The following VAV2 variants were observed in gnomAD, a reference collection of about 807,000 sequenced individuals.
VAV2 encodes the protein guanine nucleotide exchange factor VAV2.
VAV2 carries 67 observed loss-of-function variants against 132.5 expected under a neutral mutation model. The ratio of observed to expected loss-of-function variants is 0.51; its 90% CI spans 0.42 to 0.62. The LOEUF is 0.62. Ranked by LOEUF, VAV2 falls within the 20% of genes least tolerant of loss-of-function variation. The pLI is 0.00. For synonymous variants in VAV2, 492 were observed against 443.5 expected (o/e 1.11, Z -1.37); for missense variants, 938 against 1,153.6 (o/e 0.81, Z 2.71).
At chr9:133,809,654 CA>C (rs1835286755) in intron 6 of VAV2, among the ~76,000 whole-genome samples, 1 of 152,240 alleles carries the variant, frequency 6.6e-6, no homozygotes, top group Non-Finnish European at 1.5e-5. Context: ...GGTTTCTAGC[CA>C]GGGGGCCTGA....
chr9:133,931,337 G>A (rs1169380916), intron 2 of VAV2, among the ~76,000 whole-genome samples: 1 of 152,212 alleles, frequency 6.6e-6, no homozygotes, highest in Non-Finnish European at 1.5e-5. Context: ...GCGAGGGGGA[G>A]CAAGGGGCAG....
intron 4 of VAV2, among the ~76,000 whole-genome samples, chr9:133,813,249 G>C (rs974958143): frequency 6.6e-6 from 1 of 152,224 alleles, no homozygotes; most frequent in African/African-American, 2.4e-5. Flanking sequence ...AAAGTGGGTG[G>C]CAAAGTTCAC....
At chr9:133,962,738 C>G (rs915017787) in intron 1 of VAV2, among the ~76,000 whole-genome samples, 1 of 152,212 alleles carries the variant, frequency 6.6e-6, no homozygotes, top group Non-Finnish European at 1.5e-5. Context: ...TGAGCTCTAC[C>G]GAGTGCATTA....
chr9:133,913,172 C>T (rs2132049362), intron 2 of VAV2, among the ~76,000 whole-genome samples: 1 of 152,338 alleles, frequency 6.6e-6, no homozygotes, highest in African/African-American at 2.4e-5. Context: ...GAGACAATGT[C>T]CCAGAGCCCA....
chr9:133,766,291 A>C (rs1833428538), intron 29 of VAV2, among the ~76,000 whole-genome samples: 1 of 152,240 alleles, frequency 6.6e-6, no homozygotes, highest in Non-Finnish European at 1.5e-5. Context: ...CAACAGTGTA[A>C]AAGTGTTCCT....
At chr9:133,966,046 T>C (rs1386381242) in intron 1 of VAV2, among the ~76,000 whole-genome samples, 1 of 152,176 alleles carries the variant, frequency 6.6e-6, no homozygotes, top group Non-Finnish European at 1.5e-5. Context: ...GAACAATCTC[T>C]AATAAATGGT....
intron 2 of VAV2, among the ~76,000 whole-genome samples, chr9:133,900,619 GGCTCATCT>G (rs67267467): frequency 0.15 from 22,827 of 151,960 alleles, 1,857 homozygotes; most frequent in South Asian, 0.2. Flanking sequence ...TAAGAATCCA[GGCTCATCT>G]GCCTGCCCAT....
At chr9:133,813,686 G>C (rs1053219879) in intron 4 of VAV2, among the ~76,000 whole-genome samples, 1 of 152,224 alleles carries the variant, frequency 6.6e-6, no homozygotes, top group African/African-American at 2.4e-5. Context: ...CTGTTGCTCC[G>C]GGTACTTCAT....
intron 22 of VAV2, among the ~76,000 whole-genome samples, chr9:133,778,430 C>T (rs1833891913): frequency 6.6e-6 from 1 of 152,170 alleles, no homozygotes; most frequent in Admixed American, 6.5e-5. Flanking sequence ...CTATGAGACA[C>T]AACAGAGGCA....
Position 133,804,011 on chromosome 9 carries a change from G to A in VAV2, c.836+2070C>T, listed in dbSNP as rs776728613. Among the ~76,000 whole-genome samples, 3 of 152,024 alleles carry A rather than the reference G, an allele frequency of 2.0e-5. No individual in the cohort carries two copies. The East Asian group carries it at 5.8e-4, about 29-fold the overall frequency. On this transcript the variant is annotated intron_variant, in intron 9 of 29. Coordinates refer to ENST00000371850, the MANE Select transcript of VAV2 (RefSeq NM_001134398.2). The surrounding 1 kb of genome is among the most constrained non-coding windows in gnomAD (Gnocchi z 4.5). ...GTCTCCTGGGCTCTCCAGCAACGCC[G>A]CAGCTCCCCCCGGAGCTTCTCTATC...
intron 12 of VAV2, among the ~76,000 whole-genome samples, chr9:133,795,217 A>G (rs890207752): frequency 6.6e-6 from 1 of 152,130 alleles, no homozygotes; most frequent in Non-Finnish European, 1.5e-5. Context: ...ACAAGGGGAG[A>G]GAGGGAGGCA....
intron 1 of VAV2, among the ~76,000 whole-genome samples, chr9:133,950,836 C>A (rs1035923017): frequency 7.2e-5 from 11 of 152,106 alleles, no homozygotes; most frequent in African/African-American, 2.7e-4. Flanking sequence ...TTCCCCCTTC[C>A]GGAAAGCGGC....
At chr9:133,869,236 C>T (rs1837929810) in intron 2 of VAV2, among the ~76,000 whole-genome samples, 1 of 152,086 alleles carries the variant, frequency 6.6e-6, no homozygotes, top group South Asian at 2.1e-4. Flanking sequence ...GATCCGCCCA[C>T]CTCGGCCTCC....
chr9:133,873,104 G>C (rs574031194), intron 2 of VAV2, among the ~76,000 whole-genome samples: 5 of 137,602 alleles, frequency 3.6e-5, no homozygotes, highest in African/African-American at 1.3e-4. Context: ...CAGAGGGAGG[G>C]GGCGGGGGGG....
rs555160161 is a variant in VAV2 at position 133,961,602 on chromosome 9, C to G, written c.205-22383G>C. Among the ~76,000 whole-genome samples, 2 of 152,312 alleles carry G rather than the reference C, an allele frequency of 1.3e-5. No individual in the cohort carries two copies. The highest frequency in any genetic ancestry group is 4.1e-4 in the South Asian group (2 of 4,830). ...TGCCCTCTGACCTCACAAAGACCCA[C>G]GGGGCTGGTTTGGGAGGCCCAGCCC... On this transcript the variant is annotated intron_variant, in intron 1 of 29. Coordinates refer to ENST00000371850, the MANE Select transcript of VAV2 (RefSeq NM_001134398.2). The surrounding 1 kb of genome is among the most constrained non-coding windows in gnomAD (Gnocchi z 4.1).
chr9:133,895,905 T>G (rs1839180207), intron 2 of VAV2, among the ~76,000 whole-genome samples: 1 of 152,178 alleles, frequency 6.6e-6, no homozygotes, highest in Non-Finnish European at 1.5e-5. Flanking sequence ...CTCGGCCTTC[T>G]TAATTGGCAG....
chr9:133,867,938 G>A (rs77845285), intron 2 of VAV2, among the ~76,000 whole-genome samples: 17 of 152,284 alleles, frequency 1.1e-4, no homozygotes, highest in African/African-American at 3.4e-4. Context: ...CTCCCACACC[G>A]CCTACAGGAA....
rs112449196 is a variant in VAV2, at chr9:133,944,370, A to C, written c.205-5151T>G. Among the ~76,000 whole-genome samples the C allele has an allele frequency of 9.7e-3, 1,482 of 152,330 alleles. 22 individuals are homozygous for C. Among genetic ancestry groups the C allele is most frequent in the African/African-American group, 0.034 (1,412 of 41,564 alleles). ...TGAGAGGGGTACAAAAGGGGAAACT[A>C]AGCCGGGGGAGGCAAATCCACTTGC... On this transcript the variant is annotated intron_variant, in intron 1 of 29. Coordinates refer to ENST00000371850, the MANE Select transcript of VAV2 (RefSeq NM_001134398.2).
chr9:133,766,759 A>AATAAATATATATATATATAT (rs1554767605), intron 29 of VAV2, among the ~76,000 whole-genome samples: 1 of 112,110 alleles, frequency 8.9e-6, no homozygotes, highest in African/African-American at 3.6e-5. Flanking sequence ...AGTATAAATA[A>AATAAATATATATATATATAT]ATATATATAT....
Sources: allele counts gnomAD v4.1 joint callset (sites outside exome capture counted in the v4.1 genomes callset), GRCh38; gene constraint gnomAD v4.1.1; non-coding constraint Gnocchi (gnomAD v3.1); transcripts MANE v1.5; gene names NCBI Gene and HGNC (gene_info 2026-07-23, HGNC 2026-07-21).